BTG4: variants seen among roughly 807,000 people sequenced by gnomAD.
BTG4 encodes protein BTG4.
In BTG4, 10 loss-of-function variants were observed where a neutral mutation model predicts 19.3. The observed-to-expected ratio is 0.52, with a 90% CI of 0.32 to 0.88. The LOEUF is 0.88. BTG4 is among the 40% of genes least tolerant of loss of function. BTG4 has a pLI of 0.04. For synonymous variants in BTG4, 91 were observed against 95.7 expected (o/e 0.95, Z 0.29); for missense variants, 238 against 281.9 (o/e 0.84, Z 1.11).
downstream of BTG4, chr11:111,463,070 T>C (rs1863496510): frequency 6.5e-6 from 1 of 152,714 alleles, no homozygotes; most frequent in Non-Finnish European, 1.5e-5. Context: ...TCTGATGAGT[T>C]TCAGTGGGTG....
the BTG4 span, among the ~76,000 whole-genome samples, chr11:111,420,130 A>G: frequency 0.029 from 4,475 of 152,308 alleles, 95 homozygotes; most frequent in Middle Eastern, 0.13. Flanking sequence ...CGGCAAAGGA[A>G]AGTTCACAGT....
At chr11:111,432,361 A>G in the BTG4 span, among the ~76,000 whole-genome samples, 2 of 152,222 alleles carry the variant, frequency 1.3e-5, no homozygotes, top group Non-Finnish European at 2.9e-5. Flanking sequence ...AGAAAATAAC[A>G]GGCCAAGCAC....
At chr11:111,415,110 C>T in the BTG4 span, 1 of 152,182 alleles carries the variant, frequency 6.6e-6, no homozygotes, top group Non-Finnish European at 1.5e-5. Flanking sequence ...TATGAACTAA[C>T]TCCTCTGGGA....
In BTG4 at chr11:111,512,332, GTC is replaced by G. The variant is rs560656636; in HGVS notation, c.-180_-179del. 13 of 152,280 alleles carry G rather than the reference GTC, an allele frequency of 8.5e-5. No individual in the cohort carries two copies. Among genetic ancestry groups the G allele is most frequent in the Admixed American group, 3.9e-4 (6 of 15,296 alleles). 9.4% of individuals were successfully genotyped at this position (152,280 alleles called of 1,614,324 possible). A position where few individuals can be genotyped will look rare whatever the true frequency, so the allele number is the denominator to read the frequency against. On this transcript the variant is annotated 5_prime_UTR_variant, in exon 1 of 5. Transcript: ENST00000692032. Reference sequence around the variant, plus strand: ...GAATCTGGGCCTCCATCTTCTAGGCGTCTCCCTTGGAGGCCCTTCAGGGACCG... The same window carrying G: ...GAATCTGGGCCTCCATCTTCTAGGCGTCCCTTGGAGGCCCTTCAGGGACCG...
At chr11:111,476,914 C>T (rs1326770405) in intron 5 of BTG4, among the ~76,000 whole-genome samples, 1 of 152,114 alleles carries the variant, frequency 6.6e-6, no homozygotes, top group African/African-American at 2.4e-5. Context: ...TTTAGCTACC[C>T]ACATAAATTA....
the BTG4 span, among the ~76,000 whole-genome samples, chr11:111,427,896 AG>A: frequency 6.6e-6 from 1 of 152,156 alleles, no homozygotes; most frequent in Non-Finnish European, 1.5e-5. Context: ...TCACATCACA[AG>A]GCACAGGCTT....
chr11:111,392,591 G>A, the BTG4 span, among the ~76,000 whole-genome samples: 1 of 152,170 alleles, frequency 6.6e-6, no homozygotes, highest in East Asian at 1.9e-4. Context: ...CCGAGGTGAT[G>A]CTGAGGCTGC....
intron 1 of BTG4, among the ~76,000 whole-genome samples, chr11:111,509,779 T>A (rs1866729675): frequency 6.6e-6 from 1 of 152,002 alleles, no homozygotes; most frequent in Non-Finnish European, 1.5e-5. Context: ...TTCTAATTAG[T>A]CTAATTCTTC....
the BTG4 span, among the ~76,000 whole-genome samples, chr11:111,407,604 G>A: frequency 6.6e-6 from 1 of 152,218 alleles, no homozygotes; most frequent in African/African-American, 2.4e-5. Context: ...CCCGGGAGGT[G>A]AGGTTGCAGT....
At chr11:111,427,859 G>T in the BTG4 span, among the ~76,000 whole-genome samples, 2 of 152,176 alleles carry the variant, frequency 1.3e-5, no homozygotes, top group Non-Finnish European at 2.9e-5. Context: ...TGACTTCATA[G>T]AATATGACAA....
At chr11:111,423,983 G>A in the BTG4 span, among the ~76,000 whole-genome samples, 2 of 152,000 alleles carry the variant, frequency 1.3e-5, no homozygotes, top group African/African-American at 2.4e-5. Flanking sequence ...CCCTCCCCAG[G>A]TCACCACAGC....
chr11:111,494,654 C>T (rs899689743), downstream of BTG4, among the ~76,000 whole-genome samples: 10 of 151,970 alleles, frequency 6.6e-5, no homozygotes, highest in African/African-American at 2.2e-4. Flanking sequence ...TGGCCGGGCA[C>T]GGTGGCTCAC....
the BTG4 span, among the ~76,000 whole-genome samples, chr11:111,447,901 C>A: frequency 1.3e-5 from 2 of 152,160 alleles, no homozygotes; most frequent in Admixed American, 1.3e-4. Context: ...TCCTGTACCG[C>A]CACCCTCATC....
At chr11:111,468,295 G>C (rs765300532) in intron 5 of BTG4, among the ~76,000 whole-genome samples, 10 of 152,258 alleles carry the variant, frequency 6.6e-5, no homozygotes, top group Non-Finnish European at 1.2e-4. Context: ...AACGAACTCA[G>C]GTTGTGGTGC....
chr11:111,513,590 T>C (rs1867103134), upstream of BTG4: 3 of 446,934 alleles, frequency 6.7e-6, no homozygotes, highest in African/African-American at 6.0e-5. Flanking sequence ...AAATGCTGAT[T>C]TCATCCATTG....
chr11:111,492,164 T>A (rs1313152246), downstream of BTG4, among the ~76,000 whole-genome samples: 1 of 152,188 alleles, frequency 6.6e-6, no homozygotes. Context: ...AACACTGTGA[T>A]TGACTAGCAG....
downstream of BTG4, among the ~76,000 whole-genome samples, chr11:111,463,985 C>T (rs1231476704): frequency 2.6e-5 from 4 of 152,264 alleles, no homozygotes; most frequent in South Asian, 4.1e-4. Flanking sequence ...TGAGAGAGGG[C>T]GAGCAAAGTG....
chr11:111,423,106 G>T, the BTG4 span, among the ~76,000 whole-genome samples: 1 of 152,230 alleles, frequency 6.6e-6, no homozygotes, highest in African/African-American at 2.4e-5. Flanking sequence ...TCCTGCAGAA[G>T]AGACCCCTGT....
the BTG4 span, among the ~76,000 whole-genome samples, chr11:111,424,986 T>C: frequency 6.6e-6 from 1 of 152,032 alleles, no homozygotes; most frequent in South Asian, 2.1e-4. Context: ...AGAGAAGAGA[T>C]GTGATGTCAA....
Sources: gnomAD v4.1 joint callset for allele counts (sites outside exome capture counted in the v4.1 genomes callset) on GRCh38, gnomAD v4.1.1 for gene constraint, MANE v1.5 for transcripts, NCBI Gene and HGNC (gene_info 2026-07-23, HGNC 2026-07-21) for gene names.